KCND2: variants seen among roughly 807,000 people sequenced by gnomAD.
KCND2 encodes the protein potassium voltage-gated channel subfamily D member 2.
Under a neutral mutation model 54.4 loss-of-function variants are expected in KCND2, and 16 were observed. The ratio of observed to expected loss-of-function variants is 0.29; its 90% CI spans 0.20 to 0.45. The LOEUF (loss-of-function observed/expected upper bound fraction) is 0.45. KCND2 is among the 20% of genes least tolerant of loss of function. The pLI, the probability that KCND2 is intolerant of heterozygous loss-of-function variation, is 1.00. For synonymous variants in KCND2, 317 were observed against 310.7 expected (o/e 1.02, Z -0.21); for missense variants, 486 against 824.2 (o/e 0.59, Z 5.02).
intron 1 of KCND2, among the ~76,000 whole-genome samples, chr7:120,695,740 C>T (rs973892509): frequency 2.0e-5 from 3 of 152,138 alleles, no homozygotes; most frequent in African/African-American, 7.2e-5. Context: ...AATCCGTTCC[C>T]TCTGCACTTA....
chr7:120,325,223 A>C (rs1437589762), intron 1 of KCND2, among the ~76,000 whole-genome samples: 1 of 72,674 alleles, frequency 1.4e-5, no homozygotes, highest in African/African-American at 4.5e-5. Flanking sequence ...GGTTTTCTAG[A>C]TATACAATCA....
At chr7:120,578,063 G>C (rs201247223) in intron 1 of KCND2, among the ~76,000 whole-genome samples, 2 of 120,984 alleles carry the variant, frequency 1.7e-5, no homozygotes, top group Non-Finnish European at 3.6e-5. Context: ...AGAAGAAGAA[G>C]AACAAGAAGG....
chr7:120,580,656 A>T lies in KCND2; in HGVS notation c.1116-152247A>T, dbSNP rs1007569567. ...TTTTTCTTAGAACTTGTGTTCTGTT[A>T]ATAAGAAAGATATGGTTTTATTTTA... On this transcript the variant is annotated intron_variant, in intron 1 of 5. Coordinates refer to ENST00000331113, the MANE Select transcript of KCND2 (RefSeq NM_012281.3). Among the ~76,000 whole-genome samples the T allele has an allele frequency of 2.6e-5, 4 of 152,212 alleles. No individual in the cohort carries two copies. In the South Asian group the frequency reaches 8.3e-4, roughly 31 times the overall value.
intron 2 of KCND2, among the ~76,000 whole-genome samples, chr7:120,739,016 A>G (rs1792908577): frequency 6.6e-6 from 1 of 152,048 alleles, no homozygotes; most frequent in Non-Finnish European, 1.5e-5. Context: ...GACTTAGCAA[A>G]AATGGATAGT....
At chr7:120,700,786 G>A (rs2116029217) in intron 1 of KCND2, among the ~76,000 whole-genome samples, 1 of 152,238 alleles carries the variant, frequency 6.6e-6, no homozygotes. Flanking sequence ...GATTTCTAAA[G>A]AGTCATGAAA....
chr7:120,349,363 T>A (rs1800370010), intron 1 of KCND2, among the ~76,000 whole-genome samples: 1 of 150,592 alleles, frequency 6.6e-6, no homozygotes, highest in Admixed American at 6.6e-5. Context: ...CACACGAGGA[T>A]GCTTTCCTAG....
chr7:120,347,711 C>T (rs954748791), intron 1 of KCND2, among the ~76,000 whole-genome samples: 5 of 150,658 alleles, frequency 3.3e-5, no homozygotes, highest in Admixed American at 6.6e-5. Flanking sequence ...GAGGAGAGAT[C>T]ACACCATCAC....
At chr7:120,410,627 A>G (rs917051353) in intron 1 of KCND2, among the ~76,000 whole-genome samples, 1 of 151,884 alleles carries the variant, frequency 6.6e-6, no homozygotes, top group African/African-American at 2.4e-5. Context: ...TACATGTGCC[A>G]TATTGGTGTA....
intron 1 of KCND2, among the ~76,000 whole-genome samples, chr7:120,290,025 C>T (rs1455431444): frequency 6.6e-6 from 1 of 152,072 alleles, no homozygotes; most frequent in South Asian, 2.1e-4. Flanking sequence ...CTATCTGGGG[C>T]CTTGTTGTGT....
intron 1 of KCND2, among the ~76,000 whole-genome samples, chr7:120,689,756 A>G (rs1415875444): frequency 6.6e-6 from 1 of 152,168 alleles, no homozygotes; most frequent in African/African-American, 2.4e-5. Context: ...TTCTCCTTCT[A>G]AAGAGAGGTC....
At chr7:120,334,167 C>A (rs1800110508) in intron 1 of KCND2, among the ~76,000 whole-genome samples, 1 of 152,024 alleles carries the variant, frequency 6.6e-6, no homozygotes, top group Non-Finnish European at 1.5e-5. Flanking sequence ...GTCTTGAATC[C>A]ATGTCAAATG....
intron 1 of KCND2, among the ~76,000 whole-genome samples, chr7:120,630,518 C>T (rs577861025): frequency 5.9e-5 from 9 of 152,038 alleles, no homozygotes; most frequent in South Asian, 2.1e-4. Context: ...CCAAAATGTT[C>T]GGATTTTTTA....
intron 1 of KCND2, among the ~76,000 whole-genome samples, chr7:120,293,530 T>C (rs1799467048): frequency 6.6e-6 from 1 of 151,970 alleles, no homozygotes; most frequent in Non-Finnish European, 1.5e-5. Flanking sequence ...TGATGAAGCC[T>C]ATTAAGACAA....
chr7:120,530,514 AAACTT>A (rs1238408370), intron 1 of KCND2, among the ~76,000 whole-genome samples: 3 of 152,198 alleles, frequency 2.0e-5, no homozygotes, highest in African/African-American at 7.2e-5. Context: ...CATCTATTAA[AAACTT>A]AACCACTCTG....
intron 1 of KCND2, among the ~76,000 whole-genome samples, chr7:120,479,025 C>T (rs1324503602): frequency 6.6e-6 from 1 of 152,088 alleles, no homozygotes; most frequent in African/African-American, 2.4e-5. Context: ...GTATTTTCTG[C>T]ACCTTTGCTG....
At chr7:120,275,887 C>T in intron 1 of KCND2, 140 bp downstream of exon 1, 5 of 946,464 alleles carry the variant, frequency 5.3e-6, no homozygotes, top group Non-Finnish European at 6.3e-6. Flanking sequence ...AATGGTTTGG[C>T]AAAACTCTTT....
chr7:120,575,307 G>A (rs1239783225), intron 1 of KCND2, among the ~76,000 whole-genome samples: 2 of 152,154 alleles, frequency 1.3e-5, no homozygotes, highest in Middle Eastern at 3.2e-3. Flanking sequence ...GCAAACCACT[G>A]GTGTAAGTCC....
intron 1 of KCND2, among the ~76,000 whole-genome samples, chr7:120,466,693 T>A (rs148893548): frequency 6.6e-6 from 1 of 152,314 alleles, no homozygotes; most frequent in East Asian, 1.9e-4. Context: ...ATTCATTTCC[T>A]ATTGCTGCTA....
chr7:120,526,150 A>G (rs1158135855), intron 1 of KCND2, among the ~76,000 whole-genome samples: 1 of 152,158 alleles, frequency 6.6e-6, no homozygotes, highest in African/African-American at 2.4e-5. Flanking sequence ...TGTGAACTAT[A>G]TATTCTGTTT....
Sources: gnomAD v4.1 joint callset for allele counts (sites outside exome capture counted in the v4.1 genomes callset) on GRCh38, gnomAD v4.1.1 for gene constraint, MANE v1.5 for transcripts, NCBI Gene and HGNC (gene_info 2026-07-23, HGNC 2026-07-21) for gene names.